The following PLPPR4 variants were observed in gnomAD, a reference collection of about 807,000 sequenced individuals.
The protein encoded by PLPPR4 is phospholipid phosphatase related 4, also known as phospholipid phosphatase-related protein type 4.
In PLPPR4, 24 loss-of-function variants were observed where a neutral mutation model predicts 56.6. The observed-to-expected ratio is 0.42, with a 90% CI of 0.31 to 0.60. The LOEUF (loss-of-function observed/expected upper bound fraction) is 0.60. Ranked by LOEUF, PLPPR4 falls within the 20% of genes least tolerant of loss-of-function variation. PLPPR4 has a pLI of 0.13. For synonymous variants in PLPPR4, 326 were observed against 328.1 expected (o/e 0.99, Z 0.07); for missense variants, 654 against 885.8 (o/e 0.74, Z 3.32).
At chr1:99,279,514 A>C (rs915326063) in intron 1 of PLPPR4, among the ~76,000 whole-genome samples, 13 of 152,204 alleles carry the variant, frequency 8.5e-5, no homozygotes, top group Admixed American at 1.3e-4. Flanking sequence ...AGGGCACCAC[A>C]TCAGTGAGAG....
intron 1 of PLPPR4, among the ~76,000 whole-genome samples, chr1:99,281,620 T>C (rs905352197): frequency 6.6e-6 from 1 of 152,148 alleles, no homozygotes; most frequent in Non-Finnish European, 1.5e-5. Context: ...AGGATACCAC[T>C]AAAGATCATA....
intron 1 of PLPPR4, among the ~76,000 whole-genome samples, chr1:99,276,379 A>T (rs563353582): frequency 3.1e-4 from 47 of 152,284 alleles, no homozygotes; most frequent in African/African-American, 1.1e-3. Flanking sequence ...TAAGCATTGA[A>T]TGTAATAGAA....
chr1:99,292,377 T>G (rs1570918345), intron 2 of PLPPR4, among the ~76,000 whole-genome samples: 1 of 152,196 alleles, frequency 6.6e-6, no homozygotes, highest in African/African-American at 2.4e-5. Context: ...AGATGCTTTC[T>G]GAGAGATTTG....
chr1:99,295,178 ATAGTT>A (rs1659713105), intron 2 of PLPPR4, among the ~76,000 whole-genome samples: 1 of 152,236 alleles, frequency 6.6e-6, no homozygotes, highest in Non-Finnish European at 1.5e-5. Flanking sequence ...TGATCTTAAA[ATAGTT>A]TATTATGCCA....
chr1:99,269,997 TTGTGTGTGTGTGTGTGTGTGTG>T (rs10612152), intron 1 of PLPPR4, among the ~76,000 whole-genome samples: 1 of 134,474 alleles, frequency 7.4e-6, no homozygotes, highest in Non-Finnish European at 1.6e-5. Flanking sequence ...TTCATTCCTT[TTGTGTGTGTGTGTGTGTGTGTG>T]TGTGTGTGTG....
chr1:99,308,937 C>T lies in PLPPR4; in HGVS notation c.*1927C>T, dbSNP rs1570929332. 1 of 152,532 alleles carries T rather than the reference C, an allele frequency of 6.6e-6. No homozygotes were observed. Among genetic ancestry groups the T allele is most frequent in the Non-Finnish European group, 1.5e-5 (1 of 68,008 alleles). The allele number at this position is 152,532 out of a possible 1,614,324, so 9.4% of individuals were successfully genotyped here. On this transcript the variant is annotated 3_prime_UTR_variant, in exon 7 of 7. Coordinates refer to ENST00000370185, the MANE Select transcript of PLPPR4 (RefSeq NM_014839.5). Reference sequence around the variant, plus strand: ...ACTCTGAAGGACAAAAACAAGCAAACAAAAACCCCTGCTGCAGCATTTCAG... The same window carrying T: ...ACTCTGAAGGACAAAAACAAGCAAATAAAAACCCCTGCTGCAGCATTTCAG...
chr1:99,272,048 T>C (rs1659074706), intron 1 of PLPPR4, among the ~76,000 whole-genome samples: 1 of 152,072 alleles, frequency 6.6e-6, no homozygotes, highest in Non-Finnish European at 1.5e-5. Flanking sequence ...ATTATTGCTG[T>C]TTATGTTGGA....
chr1:99,284,658 T>C (rs1038473782), intron 1 of PLPPR4, among the ~76,000 whole-genome samples: 1 of 151,680 alleles, frequency 6.6e-6, no homozygotes, highest in Non-Finnish European at 1.5e-5. Flanking sequence ...TATTAATATA[T>C]ATATGGAAAA....
At position 99,296,769 on chromosome 1, in the gene PLPPR4, G is replaced by C. The variant is rs1302328635; in HGVS notation, c.296G>C (p.Cys99Ser). ...GTAGGAGAAGGAATTCTCTACTGTT[G>C]CCTCTCCAAAAGAAGAAATGGGGTC... Reference protein sequence around the residue: ...IMVGEGILYCCLSKRRNGVGL... With the variant: ...IMVGEGILYCSLSKRRNGVGL... Residue 99 changes from cysteine (C) to serine (S), a missense_variant, in exon 3 of 7, where the codon TGC (cysteine) becomes TCC (serine). Around this residue, in one of 2 missense-constraint regions of PLPPR4, gnomAD observed 186 missense variants for 331.4 expected, o/e 0.56. Transcript: ENST00000370185. 1.2e-6 allele frequency: 2 copies of C among 1,604,592 alleles called. No homozygotes were observed. Among genetic ancestry groups the C allele is most frequent in the East Asian group, 2.2e-5 (1 of 44,728 alleles).
rs191724714 is a variant in PLPPR4, at chr1:99,287,908, A to G, written c.79-57A>G. 383 of 1,379,522 alleles carry G rather than the reference A, an allele frequency of 2.8e-4. 3 individuals are homozygous for G. The Admixed American group carries it at 7.3e-3, about 26-fold the overall frequency. 85.5% of individuals were successfully genotyped at this position (1,379,522 alleles called of 1,614,324 possible). A position where few individuals can be genotyped will look rare whatever the true frequency, so the allele number is the denominator to read the frequency against. On this transcript the variant is annotated intron_variant, in intron 1 of 6. Transcript: ENST00000370185. The stretch of plus-strand genomic sequence containing the variant: ...AAGGAGAGAAAGCCACTTGTTTTCT[A>G]TGTATGCCCTGTATATCAGGTAGAA...
chr1:99,301,996 T>A (rs1659893266), intron 6 of PLPPR4, 99 bp downstream of exon 6: 1 of 764,174 alleles, frequency 1.3e-6, no homozygotes, highest in South Asian at 4.0e-5. Flanking sequence ...ATATTTTATA[T>A]AAATGAGAAA....
In PLPPR4 at chr1:99,306,245, C is replaced by T; in HGVS notation, c.1383C>T (p.Val461=). Residue 461 remains valine, a synonymous_variant, in exon 7 of 7, where the codon GTC becomes GTT. Coordinates refer to ENST00000370185, the MANE Select transcript of PLPPR4 (RefSeq NM_014839.5). The surrounding 1 kb of genome is among the most constrained non-coding windows in gnomAD (Gnocchi z 4.0). ...NQYLKIQPGA[V]PGCNNSMPGG... ...ACCTCAAAATCCAGCCTGGCGCTGT[C>T]CCCGGATGTAACAACAGCATGCCTG... is the stretch of plus-strand genomic sequence containing the variant. 6.2e-7 allele frequency: 1 copy of T among 1,614,136 alleles called. No individual in the cohort carries two copies. Among genetic ancestry groups the T allele is most frequent in the Non-Finnish European group, 8.5e-7 (1 of 1,180,014 alleles).
chr1:99,299,137 A>G lies in PLPPR4; in HGVS notation c.497A>G (p.Asn166Ser). 6.2e-7 allele frequency: 1 copy of G among 1,613,330 alleles called. No individual in the cohort carries two copies. Among genetic ancestry groups the G allele is most frequent in the Non-Finnish European group, 8.5e-7 (1 of 1,179,498 alleles). The change falls in exon 4 of 7, where the codon AAC (asparagine) becomes AGC (serine). Residue 166 changes from asparagine (N) to serine (S), a missense_variant. Physicochemically the swap from Asn to Ser is conservative, Grantham distance 46. This residue lies in a region of PLPPR4 where 186 missense variants were observed against 331.4 expected (regional missense o/e 0.56). Transcript: ENST00000370185. ...APYFLTVCKP[N>S]YTSLNVSCKE... ...TACTTTCTGACTGTGTGCAAACCAA[A>G]CTATACCTCTCTGAATGTATCTTGC...
At chr1:99,264,926 G>A (rs1052157227) in intron 1 of PLPPR4, among the ~76,000 whole-genome samples, 11 of 152,178 alleles carry the variant, frequency 7.2e-5, no homozygotes, top group Non-Finnish European at 1.5e-4. Flanking sequence ...ACCTGTGTGA[G>A]TGAGTGTGGT....
At chr1:99,272,893 C>T (rs989491720) in intron 1 of PLPPR4, among the ~76,000 whole-genome samples, 2 of 151,800 alleles carry the variant, frequency 1.3e-5, no homozygotes, top group Non-Finnish European at 2.9e-5. Context: ...ACTTAAGTAA[C>T]GAAGACTCAG....
intron 2 of PLPPR4, among the ~76,000 whole-genome samples, chr1:99,290,975 T>A (rs554655946): frequency 6.6e-6 from 1 of 151,504 alleles, no homozygotes; most frequent in Non-Finnish European, 1.5e-5. Context: ...CTTCTGAACA[T>A]CAAAATAAAC....
At chr1:99,268,074 G>A (rs1161195550) in intron 1 of PLPPR4, among the ~76,000 whole-genome samples, 1 of 152,164 alleles carries the variant, frequency 6.6e-6, no homozygotes, top group African/African-American at 2.4e-5. Context: ...CAAAGGTCAC[G>A]CTCTTCACCA....
chr1:99,269,837 T>C (rs1194366905), intron 1 of PLPPR4, among the ~76,000 whole-genome samples: 1 of 152,118 alleles, frequency 6.6e-6, no homozygotes, highest in South Asian at 2.1e-4. Context: ...AAGACACATA[T>C]GTATGCACAC....
intron 2 of PLPPR4, among the ~76,000 whole-genome samples, chr1:99,290,120 A>G: frequency 6.6e-6 from 1 of 152,150 alleles, no homozygotes; most frequent in East Asian, 1.9e-4. Flanking sequence ...TATTGTGCAA[A>G]AATCACTAGC....
Sources: gnomAD v4.1 joint callset for allele counts (sites outside exome capture counted in the v4.1 genomes callset) on GRCh38, gnomAD v4.1.1 for gene constraint, gnomAD v4.1.1 regional missense constraint, Gnocchi (gnomAD v3.1) non-coding constraint, MANE v1.5 for transcripts, NCBI Gene and HGNC (gene_info 2026-07-23, HGNC 2026-07-21) for gene names.